The following RFC2 variants were observed in gnomAD, a reference collection of about 807,000 sequenced individuals.
RFC2 encodes the protein A1 40 kDa subunit.
In RFC2, 34 loss-of-function variants were observed where a neutral mutation model predicts 44.8. The ratio of observed to expected loss-of-function variants is 0.76; its 90% CI spans 0.58 to 1.01. The LOEUF (loss-of-function observed/expected upper bound fraction) is 1.01, where lower values mean the gene tolerates loss of function less well. Ranked by LOEUF, RFC2 falls within the 50% of genes least tolerant of loss-of-function variation. The pLI is 0.00. For missense variants in RFC2, 400 were observed against 453.6 expected, an observed-to-expected ratio of 0.88 and a Z score of 1.07; for synonymous variants, 177 against 168.9, an observed-to-expected ratio of 1.05 and a Z score of -0.37.
intron 5 of RFC2, among the ~76,000 whole-genome samples, chr7:74,244,003 C>A (rs1397217129): frequency 2.7e-5 from 4 of 149,386 alleles, no homozygotes; most frequent in African/African-American, 9.9e-5. Context: ...GTAATCCCAG[C>A]ACATTGGGAG....
chr7:74,249,911 C>G (rs1786815837), intron 2 of RFC2, 131 bp from the exon 3 acceptor site: 2 of 800,754 alleles, frequency 2.5e-6, no homozygotes, highest in East Asian at 5.1e-5. Context: ...GTAATCCTAG[C>G]AGTTTGGGAG....
intron 4 of RFC2, among the ~76,000 whole-genome samples, chr7:74,248,658 C>T (rs868969672): frequency 2.4e-4 from 37 of 152,136 alleles, no homozygotes; most frequent in Non-Finnish European, 3.1e-4. Flanking sequence ...CCCAGCACCA[C>T]GCCCAGCTAA....
chr7:74,237,888 A>G (rs3135686), intron 8 of RFC2, among the ~76,000 whole-genome samples: 22,767 of 152,066 alleles, frequency 0.15, 2,708 homozygotes, highest in African/African-American at 0.33. Context: ...CACCCTAAAC[A>G]AGGGGTCAGG....
chr7:74,252,505 A>G lies in RFC2; in HGVS notation c.114-7T>C, dbSNP rs1805393. 0.014 allele frequency: 22,115 copies of G among 1,557,154 alleles called. 2,339 individuals are homozygous for G. In the African/African-American group the frequency reaches 0.24, roughly 17 times the overall value. On this transcript the variant is annotated splice_polypyrimidine_tract_variant and splice_region_variant and intron_variant, in intron 1 of 10. Coordinates refer to ENST00000055077, the MANE Select transcript of RFC2 (RefSeq NM_181471.3). Reference sequence around the variant, plus strand: ...TGGCCTATATTTTTCAACCCTGTTAAGAAAATGCATAAAAATGCTGACATG... The same window carrying G: ...TGGCCTATATTTTTCAACCCTGTTAGGAAAATGCATAAAAATGCTGACATG...
chr7:74,249,685 G>A (rs373799762), intron 3 of RFC2, 54 bp downstream of exon 3: 199 of 1,446,410 alleles, frequency 1.4e-4, no homozygotes, highest in African/African-American at 4.2e-4. Flanking sequence ...GCAGTTCAGC[G>A]GACAGTGGGA....
At chr7:74,253,873 A>G (rs546153627) in intron 1 of RFC2, among the ~76,000 whole-genome samples, 4 of 152,294 alleles carry the variant, frequency 2.6e-5, no homozygotes, top group Non-Finnish European at 4.4e-5. Flanking sequence ...AAAATTTCAA[A>G]TGTAAATGTT....
chr7:74,233,761 C>T (rs1200204682), intron 10 of RFC2: 2 of 450,854 alleles, frequency 4.4e-6, no homozygotes, highest in South Asian at 1.6e-5. Context: ...CCACTGCATC[C>T]GGTCATTACA....
chr7:74,234,006 A>C (rs1584241234), intron 10 of RFC2: 1 of 435,616 alleles, frequency 2.3e-6, no homozygotes, highest in African/African-American at 2.0e-5. Context: ...CATATATGCA[A>C]ATGTTTACAC....
In RFC2 at chr7:74,231,506, C is replaced by T. The variant is rs1311213308; in HGVS notation, c.*600G>A. On this transcript the variant is annotated 3_prime_UTR_variant, in exon 11 of 11. Transcript: ENST00000055077. ...AGGCTTCACATGGTCACCTTATTGCCAACAAACACTGCAAGGCTTTATTAG... is the reference window on the plus strand; with the variant it reads ...AGGCTTCACATGGTCACCTTATTGCTAACAAACACTGCAAGGCTTTATTAG... 1 of 152,122 alleles carries T rather than the reference C, an allele frequency of 6.6e-6. No homozygotes were observed. The highest frequency in any genetic ancestry group is 2.4e-5 in the African/African-American group (1 of 41,422). The allele number at this position is 152,122 out of a possible 1,614,324, so 9.4% of individuals were successfully genotyped here. A position where few individuals can be genotyped will look rare whatever the true frequency, so the allele number is the denominator to read the frequency against.
At chr7:74,244,096 C>CAAAA (rs1179272254) in intron 5 of RFC2, among the ~76,000 whole-genome samples, 69 of 41,632 alleles carry the variant, frequency 1.7e-3, no homozygotes, top group Admixed American at 4.4e-3. Flanking sequence ...ACTAAAAATA[C>CAAAA]AAAAAAAAAA....
intron 10 of RFC2, among the ~76,000 whole-genome samples, chr7:74,233,331 G>A (rs1554717542): frequency 6.6e-6 from 1 of 152,124 alleles, no homozygotes; most frequent in South Asian, 2.1e-4. Context: ...TTGGCAACAC[G>A]GGGACACCCC....
At chr7:74,236,459 A>G (rs1803018230) in intron 9 of RFC2, among the ~76,000 whole-genome samples, 1 of 152,166 alleles carries the variant, frequency 6.6e-6, no homozygotes, top group East Asian at 1.9e-4. Flanking sequence ...GACTGGATCA[A>G]TGACCTTGAA....
chr7:74,249,862 A>G, intron 2 of RFC2, 82 bp from the exon 3 acceptor site: 1 of 1,274,676 alleles, frequency 7.8e-7, no homozygotes, highest in Non-Finnish European at 1.1e-6. Flanking sequence ...AGAACAAACA[A>G]GCAGGTTAAA....
intron 7 of RFC2, 112 bp from the exon 8 acceptor site, chr7:74,239,100 C>T (rs1554718852): frequency 1.4e-5 from 11 of 777,070 alleles, no homozygotes; most frequent in Admixed American, 2.1e-5. Flanking sequence ...TGGGCTTAAG[C>T]GATTCTCCCA....
Position 74,231,969 on chromosome 7 carries a change from C to G in RFC2, c.*137G>C. 1.6e-6 allele frequency: 1 copy of G among 643,332 alleles called. No individual in the cohort carries two copies. The highest frequency in any genetic ancestry group is 2.8e-6 in the Non-Finnish European group (1 of 362,062). The allele number at this position is 643,332 out of a possible 1,614,324, so 39.9% of individuals were successfully genotyped here. A position where few individuals can be genotyped will look rare whatever the true frequency, so the allele number is the denominator to read the frequency against. The stretch of plus-strand genomic sequence containing the variant: ...TGTTGGGATTACAGGCGTGAGCTAC[C>G]GTGCCTGGCCAGCCACTGGAGTTTA... On this transcript the variant is annotated 3_prime_UTR_variant, in exon 11 of 11. Coordinates refer to ENST00000055077, the MANE Select transcript of RFC2 (RefSeq NM_181471.3).
chr7:74,235,571 A>G lies in RFC2; in HGVS notation c.915T>C (p.Thr305=), dbSNP rs1483637096. 7 of 1,613,420 alleles carry G rather than the reference A, an allele frequency of 4.3e-6. No homozygotes were observed. Among genetic ancestry groups the G allele is most frequent in the Non-Finnish European group, 5.9e-6 (7 of 1,179,312 alleles). ...GTTTCAGGTATTCTGCCATTTGGAAAGTTTTACACACTCGAAAGATGTTGC... is the reference window on the plus strand; with the variant it reads ...GTTTCAGGTATTCTGCCATTTGGAAGGTTTTACACACTCGAAAGATGTTGC... The part of the protein sequence containing the change: ...IIGNIFRVCK[T]FQMAEYLKLE... Residue 305 remains threonine (T), a synonymous_variant, in exon 10 of 11, where the codon ACT becomes ACC. Transcript: ENST00000055077.
chr7:74,234,490 AAG>A (rs1376613168), intron 10 of RFC2, among the ~76,000 whole-genome samples: 1 of 152,136 alleles, frequency 6.6e-6, no homozygotes, highest in East Asian at 1.9e-4. Flanking sequence ...GTCAATACAC[AAG>A]AGAGCCTTGA....
intron 6 of RFC2, among the ~76,000 whole-genome samples, chr7:74,242,440 C>T (rs3135671): frequency 2.0e-5 from 3 of 151,834 alleles, no homozygotes; most frequent in Admixed American, 1.3e-4. Flanking sequence ...TAAACTGAAG[C>T]GAATAATACC....
chr7:74,252,415 A>C lies in RFC2; in HGVS notation c.183+14T>G. On this transcript the variant is annotated intron_variant, in intron 2 of 10. Transcript: ENST00000055077. ...GAGCGAGACTCTGTCTCAAAAAAAAAAAAAGCCACTCACCTCTAGCCTGCT... is the reference window on the plus strand; with the variant it reads ...GAGCGAGACTCTGTCTCAAAAAAAACAAAAGCCACTCACCTCTAGCCTGCT... The C allele has an allele frequency of 6.5e-7, 1 of 1,536,032 alleles. No homozygotes were observed. The highest frequency in any genetic ancestry group is 1.2e-5 in the South Asian group (1 of 85,234).
Sources: gnomAD v4.1 joint callset for allele counts (sites outside exome capture counted in the v4.1 genomes callset) on GRCh38, gnomAD v4.1.1 for gene constraint, MANE v1.5 for transcripts, NCBI Gene and HGNC (gene_info 2026-07-23, HGNC 2026-07-21) for gene names.